The following CDS2 variants were observed in gnomAD, a reference collection of about 807,000 sequenced individuals.
The protein encoded by CDS2 is phosphatidate cytidylyltransferase 2.
CDS2 carries 47 observed loss-of-function variants against 59.0 expected under a neutral mutation model. That is an observed-to-expected ratio of 0.80 (90% CI 0.63 to 1.02). The LOEUF (loss-of-function observed/expected upper bound fraction) is 1.02. CDS2 is among the 50% of genes least tolerant of loss of function. The probability of loss-of-function intolerance (pLI) is 0.00; values close to 1 mark genes in which losing one functional copy is unlikely to be tolerated. For synonymous variants in CDS2, 207 were observed against 206.4 expected (o/e 1.00, Z -0.02); for missense variants, 356 against 558.9 (o/e 0.64, Z 3.66).
intron 1 of CDS2, among the ~76,000 whole-genome samples, chr20:5,145,231 G>T: frequency 8.2e-6 from 1 of 122,200 alleles, no homozygotes; most frequent in South Asian, 3.2e-4. Context: ...GGGTAGAAAG[G>T]AAAGACCCCC....
chr20:5,183,025 A>G (rs2123058052), intron 6 of CDS2, 36 bp from the exon 7 acceptor site: 1 of 1,545,370 alleles, frequency 6.5e-7, no homozygotes, highest in Non-Finnish European at 8.9e-7. Context: ...TTCAAGGTAA[A>G]CTGGTAAGTA....
At chr20:5,127,517 C>G (rs2090564811) in intron 1 of CDS2, among the ~76,000 whole-genome samples, 1 of 152,216 alleles carries the variant, frequency 6.6e-6, no homozygotes, top group Non-Finnish European at 1.5e-5. Flanking sequence ...GGAGGCGGCT[C>G]CTCTGAGCGC....
chr20:5,132,346 C>A (rs914197878), intron 1 of CDS2, among the ~76,000 whole-genome samples: 1 of 152,166 alleles, frequency 6.6e-6, no homozygotes, highest in African/African-American at 2.4e-5. Context: ...GATCCACCCG[C>A]CTTGGCCTCC....
At chr20:5,174,840 T>A (rs770631290) in intron 2 of CDS2, among the ~76,000 whole-genome samples, 1 of 152,074 alleles carries the variant, frequency 6.6e-6, no homozygotes, top group Non-Finnish European at 1.5e-5. Flanking sequence ...TGGAAAAAAA[T>A]ATTTTTTTCT....
intron 1 of CDS2, among the ~76,000 whole-genome samples, chr20:5,164,835 C>G (rs77715369): frequency 1.3e-4 from 20 of 152,298 alleles, no homozygotes; most frequent in Non-Finnish European, 2.8e-4. Context: ...TTGGCAGAGC[C>G]TCCTGGGGAC....
chr20:5,167,395 G>C (rs531209154), intron 1 of CDS2, among the ~76,000 whole-genome samples: 1 of 152,316 alleles, frequency 6.6e-6, no homozygotes, highest in South Asian at 2.1e-4. Context: ...AACTCATTCA[G>C]AGTGGGGTCC....
chr20:5,182,961 C>A (rs1188465764), intron 6 of CDS2, 100 bp from the exon 7 acceptor site: 7 of 901,188 alleles, frequency 7.8e-6, no homozygotes, highest in African/African-American at 1.7e-5. Flanking sequence ...GATATTTTTC[C>A]TACCTGCTTC....
intron 1 of CDS2, among the ~76,000 whole-genome samples, chr20:5,151,656 C>T (rs532256821): frequency 4.7e-5 from 7 of 149,778 alleles, no homozygotes; most frequent in African/African-American, 1.7e-4. Context: ...TCAGGTTGGT[C>T]TCGAACTCCT....
intron 4 of CDS2, among the ~76,000 whole-genome samples, chr20:5,177,820 C>T (rs897837227): frequency 1.3e-5 from 2 of 152,202 alleles, no homozygotes; most frequent in African/African-American, 2.4e-5. Flanking sequence ...TTGGGATTGC[C>T]ACCTGGCTTA....
At chr20:5,131,835 A>C (rs767918907) in intron 1 of CDS2, among the ~76,000 whole-genome samples, 34 of 152,206 alleles carry the variant, frequency 2.2e-4, no homozygotes, top group Admixed American at 6.5e-5. Context: ...ATAAAATTGT[A>C]TGTGCTTTAC....
intron 1 of CDS2, among the ~76,000 whole-genome samples, chr20:5,155,673 TC>T (rs2090828032): frequency 6.6e-6 from 1 of 152,204 alleles, no homozygotes; most frequent in South Asian, 2.1e-4. Context: ...CCAGGATAAA[TC>T]CCTTCTCTCT....
intron 1 of CDS2, among the ~76,000 whole-genome samples, chr20:5,151,863 C>T (rs752729094): frequency 6.3e-4 from 89 of 140,816 alleles, no homozygotes; most frequent in Non-Finnish European, 1.3e-3. Flanking sequence ...CTCCCAGGTT[C>T]AAGCAATTCT....
At chr20:5,144,815 T>G (rs555222987) in intron 1 of CDS2, among the ~76,000 whole-genome samples, 18 of 152,074 alleles carry the variant, frequency 1.2e-4, no homozygotes, top group African/African-American at 4.4e-4. Context: ...TGCAGAGGGT[T>G]TCCAACTGTG....
At chr20:5,152,354 A>G (rs952688640) in intron 1 of CDS2, among the ~76,000 whole-genome samples, 3 of 151,950 alleles carry the variant, frequency 2.0e-5, no homozygotes, top group Admixed American at 2.0e-4. Flanking sequence ...CTAGTGTCCT[A>G]TGGTTTTTGT....
At chr20:5,183,029 G>C (rs1382960616) in intron 6 of CDS2, 32 bp from the exon 7 acceptor site, 1 of 1,571,622 alleles carries the variant, frequency 6.4e-7, no homozygotes, top group East Asian at 2.2e-5. Flanking sequence ...AGGTAAACTG[G>C]TAAGTAGTGT....
At position 5,190,280 on chromosome 20, in the gene CDS2, A is replaced by C. The variant is rs1402218813; in HGVS notation, c.*46A>C. On this transcript the variant is annotated 3_prime_UTR_variant, in exon 13 of 13. Transcript: ENST00000460006. ...AACAGGAACAGAACTGAGCAGGGGC[A>C]GGTCTCCAAGGCAAGCCCAGCTGGT... 19 of 1,564,900 alleles carry C rather than the reference A, an allele frequency of 1.2e-5. No homozygotes were observed. The highest frequency in any genetic ancestry group is 1.7e-5 in the Non-Finnish European group (19 of 1,147,980).
At chr20:5,185,618 C>A in intron 8 of CDS2, 140 bp from the exon 9 acceptor site, 5 of 666,890 alleles carry the variant, frequency 7.5e-6, no homozygotes, top group South Asian at 3.9e-5. Flanking sequence ...ACAAGGAAAC[C>A]ATATTTGGGG....
At chr20:5,136,387 A>T (rs903474932) in intron 1 of CDS2, among the ~76,000 whole-genome samples, 2 of 152,186 alleles carry the variant, frequency 1.3e-5, no homozygotes, top group African/African-American at 2.4e-5. Flanking sequence ...CAGGATGCAG[A>T]TTCTAACCAG....
chr20:5,177,871 C>T (rs2091006032), intron 4 of CDS2, among the ~76,000 whole-genome samples: 1 of 152,198 alleles, frequency 6.6e-6, no homozygotes, highest in African/African-American at 2.4e-5. Context: ...AGCTGGAAAG[C>T]AGTGTTTTGC....
Sources: gnomAD v4.1 joint callset for allele counts (sites outside exome capture counted in the v4.1 genomes callset) on GRCh38, gnomAD v4.1.1 for gene constraint, MANE v1.5 for transcripts, NCBI Gene and HGNC (gene_info 2026-07-23, HGNC 2026-07-21) for gene names.